Variants in ADGRB1 observed in about 807,000 individuals in gnomAD.
ADGRB1 encodes adhesion G protein-coupled receptor B1.
ADGRB1 carries 36 observed loss-of-function variants against 175.7 expected under a neutral mutation model. That is an observed-to-expected ratio of 0.20 (90% CI 0.16 to 0.27). The LOEUF (loss-of-function observed/expected upper bound fraction) is 0.27, where lower values mean the gene tolerates loss of function less well. ADGRB1 is among the 10% of genes least tolerant of loss of function. ADGRB1 has a pLI of 1.00. For synonymous variants in ADGRB1, 1,054 were observed against 979.4 expected (o/e 1.08, Z -1.42); for missense variants, 1,731 against 2,255.3 (o/e 0.77, Z 4.71).
intron 1 of ADGRB1, among the ~76,000 whole-genome samples, chr8:142,456,358 C>T (rs1839682953): frequency 6.6e-6 from 1 of 152,136 alleles, no homozygotes; most frequent in Admixed American, 6.5e-5. Flanking sequence ...CATGTGCACA[C>T]AGCCCTTGAA....
At chr8:142,487,580 G>T (rs1563703687) in intron 13 of ADGRB1, among the ~76,000 whole-genome samples, 1 of 152,156 alleles carries the variant, frequency 6.6e-6, no homozygotes, top group Non-Finnish European at 1.5e-5. Flanking sequence ...CTCCACTGGG[G>T]CCTGTGAGGG....
At chr8:142,536,285 A>G (rs1469717829) in intron 25 of ADGRB1, among the ~76,000 whole-genome samples, 1 of 152,024 alleles carries the variant, frequency 6.6e-6, no homozygotes, top group East Asian at 1.9e-4. Flanking sequence ...AGCAGCCCAC[A>G]GGAGGTGGCT....
rs1253886419 is a variant in ADGRB1 at position 142,543,308 on chromosome 8, C to T, written c.4414-95C>T. On this transcript the variant is annotated intron_variant, in intron 28 of 30. Coordinates refer to ENST00000517894, the MANE Select transcript of ADGRB1 (RefSeq NM_001702.3). The surrounding 1 kb of genome is among the most constrained non-coding windows in gnomAD (Gnocchi z 4.4). Reference sequence around the variant, plus strand: ...CTGGTCCCTGAAGGCAGGCATGGGGCGAGTGAGTCCCTGATGCCCTCAGTC... The same window carrying T: ...CTGGTCCCTGAAGGCAGGCATGGGGTGAGTGAGTCCCTGATGCCCTCAGTC... The T allele has an allele frequency of 4.0e-6, 6 of 1,517,902 alleles. No homozygotes were observed. Among genetic ancestry groups the T allele is most frequent in the Non-Finnish European group, 2.7e-6 (3 of 1,108,974 alleles). The allele number at this position is 1,517,902 out of a possible 1,614,324, so 94.0% of individuals were successfully genotyped here.
intron 17 of ADGRB1, among the ~76,000 whole-genome samples, chr8:142,503,393 G>A (rs752101230): frequency 1.1e-4 from 17 of 152,104 alleles, no homozygotes; most frequent in Non-Finnish European, 2.1e-4. Flanking sequence ...CACAGGCCAG[G>A]CCAGGGAGGC....
At chr8:142,506,191 GC>G (rs747673285) in intron 17 of ADGRB1, among the ~76,000 whole-genome samples, 2 of 152,232 alleles carry the variant, frequency 1.3e-5, no homozygotes, top group Non-Finnish European at 2.9e-5. Context: ...CTTGGCAGGA[GC>G]CGAGTGGGAG....
chr8:142,473,990 G>A (rs1013525410), intron 2 of ADGRB1, among the ~76,000 whole-genome samples: 1 of 152,216 alleles, frequency 6.6e-6, no homozygotes, highest in African/African-American at 2.4e-5. Flanking sequence ...AATGCCACAC[G>A]CCGTCCTCTC....
intron 13 of ADGRB1, among the ~76,000 whole-genome samples, chr8:142,488,068 C>T (rs1043927923): frequency 6.6e-6 from 1 of 151,388 alleles, no homozygotes; most frequent in African/African-American, 2.4e-5. Flanking sequence ...CCTTCTGGGC[C>T]ATGGAGGGTG....
chr8:142,454,420 C>T (rs1009750275), intron 1 of ADGRB1, among the ~76,000 whole-genome samples: 4 of 152,172 alleles, frequency 2.6e-5, no homozygotes, highest in Non-Finnish European at 5.9e-5. Flanking sequence ...TGGGTCAGCA[C>T]GAGCACACCG....
chr8:142,510,949 C>T lies in ADGRB1; in HGVS notation c.2693C>T (p.Pro898Leu). The T allele has an allele frequency of 7.7e-7, 1 of 1,291,226 alleles. No individual in the cohort carries two copies. The highest frequency in any genetic ancestry group is 1.5e-5 in the South Asian group (1 of 66,908). The allele number at this position is 1,291,226 out of a possible 1,614,324, so 80.0% of individuals were successfully genotyped here. Residue 898 changes from proline to leucine, a missense_variant, in exon 18 of 31, where the codon CCC becomes CTC. Physicochemically the swap from Pro to Leu is moderately conservative, Grantham distance 98. Around this residue, in one of 8 missense-constraint regions of ADGRB1, gnomAD observed 77 missense variants for 71.6 expected, o/e 1.08. Coordinates refer to ENST00000517894, the MANE Select transcript of ADGRB1 (RefSeq NM_001702.3). The surrounding 1 kb of genome is among the most constrained non-coding windows in gnomAD (Gnocchi z 6.3). ...DETDVPSSSA[P>L]PQLGPWSWRG... Reference sequence around the variant, plus strand: ...GCCCCCAGACCCTCCTCCTCCGCCCCCCCGCAGCTCGGGCCCTGGTCGTGG... The same window carrying T: ...GCCCCCAGACCCTCCTCCTCCGCCCTCCCGCAGCTCGGGCCCTGGTCGTGG...
intron 2 of ADGRB1, among the ~76,000 whole-genome samples, chr8:142,471,091 C>G (rs1840638176): frequency 6.6e-6 from 1 of 152,074 alleles, no homozygotes; most frequent in South Asian, 2.1e-4. Flanking sequence ...TCTCCACTGT[C>G]AGGGGTTTCT....
intron 1 of ADGRB1, among the ~76,000 whole-genome samples, chr8:142,452,276 G>A (rs995066946): frequency 2.6e-5 from 4 of 152,208 alleles, no homozygotes; most frequent in Admixed American, 1.3e-4. Context: ...CGCCAGAGAG[G>A]CGCGCGGCTC....
At position 142,464,109 on chromosome 8, in the gene ADGRB1, G is replaced by A; in HGVS notation, c.-90G>A. 1.8e-6 allele frequency: 2 copies of A among 1,112,108 alleles called. No individual in the cohort carries two copies. Among genetic ancestry groups the A allele is most frequent in the Non-Finnish European group, 1.1e-6 (1 of 890,302 alleles). The allele number at this position is 1,112,108 out of a possible 1,614,324, so 68.9% of individuals were successfully genotyped here. A position where few individuals can be genotyped will look rare whatever the true frequency, so the allele number is the denominator to read the frequency against. ...CCGCCTCCCTGCCCCCACCGGGCCG[G>A]CCCTGCCCGCCGCCGGACCCTGGCA... On this transcript the variant is annotated 5_prime_UTR_variant, in exon 2 of 31. Coordinates refer to ENST00000517894, the MANE Select transcript of ADGRB1 (RefSeq NM_001702.3).
chr8:142,488,962 C>T, intron 14 of ADGRB1, 73 bp from the exon 15 acceptor site: 1 of 1,535,358 alleles, frequency 6.5e-7, no homozygotes, highest in East Asian at 2.3e-5. Context: ...ACAGCGGGGT[C>T]CAGGCCAGGC....
intron 21 of ADGRB1, 92 bp from the exon 22 acceptor site, chr8:142,522,549 T>A: frequency 7.7e-7 from 1 of 1,298,092 alleles, no homozygotes. Context: ...AGCGCCTGCC[T>A]GGCCCCCGCC....
chr8:142,483,691 T>C (rs922483067), intron 11 of ADGRB1, among the ~76,000 whole-genome samples: 5 of 138,888 alleles, frequency 3.6e-5, no homozygotes, highest in Non-Finnish European at 7.7e-5. Context: ...GCCCTGACAC[T>C]GCACTGGTCA....
At chr8:142,470,541 CTG>C (rs142832548) in intron 2 of ADGRB1, among the ~76,000 whole-genome samples, 16 of 150,954 alleles carry the variant, frequency 1.1e-4, no homozygotes, top group South Asian at 2.1e-4. Flanking sequence ...GTGTGTGTCC[CTG>C]TGTGTGTGTG....
At chr8:142,489,186 A>AG in intron 15 of ADGRB1, 76 bp downstream of exon 15, 5 of 1,549,612 alleles carry the variant, frequency 3.2e-6, no homozygotes, top group Non-Finnish European at 4.4e-6. Flanking sequence ...CAGGATGTGA[A>AG]GGGGGAGGCC....
rs1281568703 is a variant in ADGRB1 at position 142,498,399 on chromosome 8, C to G, written c.2675+7584C>G. Among the ~76,000 whole-genome samples the G allele has an allele frequency of 4.6e-5, 7 of 152,292 alleles. No individual in the cohort carries two copies. The East Asian group carries it at 1.4e-3, about 29-fold the overall frequency. On this transcript the variant is annotated intron_variant, in intron 17 of 30. Coordinates refer to ENST00000517894, the MANE Select transcript of ADGRB1 (RefSeq NM_001702.3). ...CTGGGGGCTTCCACATTCATTGGCT[C>G]ACACACTCAGGCTGCCCAGGACGCA...
chr8:142,518,905 G>A (rs934952266), intron 19 of ADGRB1, among the ~76,000 whole-genome samples: 11 of 152,248 alleles, frequency 7.2e-5, no homozygotes, highest in African/African-American at 2.7e-4. Context: ...GAGGACACGT[G>A]GCTCCGGCTC....
Sources: allele counts gnomAD v4.1 joint callset (sites outside exome capture counted in the v4.1 genomes callset), GRCh38; gene constraint gnomAD v4.1.1; regional missense constraint gnomAD v4.1.1; non-coding constraint Gnocchi (gnomAD v3.1); transcripts MANE v1.5; gene names NCBI Gene and HGNC (gene_info 2026-07-23, HGNC 2026-07-21).